The following CTSA variants were observed in gnomAD, a reference collection of about 807,000 sequenced individuals.
CTSA encodes cathepsin A.
Under a neutral mutation model 66.7 loss-of-function variants are expected in CTSA, and 42 were observed. The ratio of observed to expected loss-of-function variants is 0.63; its 90% CI spans 0.49 to 0.81. The LOEUF (loss-of-function observed/expected upper bound fraction) is 0.81, where lower values mean the gene tolerates loss of function less well. Ranked by LOEUF, CTSA falls within the 40% of genes least tolerant of loss-of-function variation. CTSA has a pLI of 0.00. For synonymous variants in CTSA, 225 were observed against 248.6 expected, an observed-to-expected ratio of 0.91 and a Z score of 0.89; for missense variants, 525 against 610.9, an observed-to-expected ratio of 0.86 and a Z score of 1.48.
At chr20:45,895,258 C>A in intron 11 of CTSA, 125 bp downstream of exon 11, 1 of 1,108,206 alleles carries the variant, frequency 9.0e-7, no homozygotes, top group African/African-American at 1.5e-5. Context: ...GGATGTTTAA[C>A]ATCCATCCCT....
In CTSA at chr20:45,891,369, G is replaced by T; in HGVS notation, c.-11G>T. The T allele has an allele frequency of 6.4e-7, 1 of 1,574,370 alleles. No individual in the cohort carries two copies. Among genetic ancestry groups the T allele is most frequent in the East Asian group, 2.3e-5 (1 of 42,984 alleles). ...GCGCCTCCTGGAGAGCAAGGACGCG[G>T]GGGAGCAGAGGTGAGCTGGCACCGG... is the stretch of plus-strand genomic sequence containing the variant. On this transcript the variant is annotated 5_prime_UTR_variant, in exon 1 of 15. Coordinates refer to ENST00000646241, the MANE Select transcript of CTSA (RefSeq NM_000308.4). This position sits in a 1 kb window ranked among gnomAD's most constrained non-coding sequence, Gnocchi z 4.6.
intron 7 of CTSA, 109 bp downstream of exon 7, chr20:45,893,420 C>T (rs1206546822): frequency 1.2e-6 from 1 of 829,344 alleles, no homozygotes; most frequent in African/African-American, 1.7e-5. Context: ...TTATGAGCAG[C>T]AGGTGGGTTG....
At chr20:45,893,059 GC>G in intron 6 of CTSA, 160 bp from the exon 7 acceptor site, 1 of 934,934 alleles carries the variant, frequency 1.1e-6, no homozygotes, top group Non-Finnish European at 1.7e-6. Flanking sequence ...CTGTCAGGCT[GC>G]CAGCTCTGTG....
At position 45,891,865 on chromosome 20, in the gene CTSA, C is replaced by T; in HGVS notation, c.195-51C>T. On this transcript the variant is annotated intron_variant, in intron 2 of 14. Transcript: ENST00000646241. The surrounding 1 kb of genome is among the most constrained non-coding windows in gnomAD (Gnocchi z 4.6). Reference sequence around the variant, plus strand: ...TGAGGATGCCTGGGAGCCGGGAGGGCTGGAAAGGGCCCCTCCAACTGCGCC... The same window carrying T: ...TGAGGATGCCTGGGAGCCGGGAGGGTTGGAAAGGGCCCCTCCAACTGCGCC... 6.2e-7 allele frequency: 1 copy of T among 1,606,098 alleles called. No individual in the cohort carries two copies. The highest frequency in any genetic ancestry group is 8.5e-7 in the Non-Finnish European group (1 of 1,172,832).
At position 45,894,832 on chromosome 20, in the gene CTSA, G is replaced by A; in HGVS notation, c.879G>A (p.Lys293=). 1 of 1,614,126 alleles carries A rather than the reference G, an allele frequency of 6.2e-7. No individual in the cohort carries two copies. The highest frequency in any genetic ancestry group is 1.1e-5 in the South Asian group (1 of 91,080). ...CCACCTCACATTGCAGGTATGAGAA[G>A]GACACTGTTGTGGTCCAGGATTTGG... ...GGVPSHFRYE[K]DTVVVQDLGN... Residue 293 remains lysine (K), a synonymous_variant, in exon 10 of 15, where the codon AAG becomes AAA. Transcript: ENST00000646241.
intron 12 of CTSA, 195 bp from the exon 13 acceptor site, chr20:45,897,522 T>A (rs2083123470): frequency 1.7e-6 from 1 of 581,210 alleles, no homozygotes; most frequent in Non-Finnish European, 3.1e-6. Flanking sequence ...GGGATAATAA[T>A]GATATCTACC....
intron 11 of CTSA, 128 bp from the exon 12 acceptor site, chr20:45,896,837 A>G: frequency 1.2e-6 from 1 of 809,226 alleles, no homozygotes; most frequent in South Asian, 1.3e-5. Context: ...CCCCCCCCAA[A>G]AAGGGGAGTG....
At chr20:45,896,840 G>T in intron 11 of CTSA, 125 bp from the exon 12 acceptor site, 1 of 815,846 alleles carries the variant, frequency 1.2e-6, no homozygotes, top group Non-Finnish European at 2.2e-6. Context: ...CCCCCAAAAA[G>T]GGGAGTGGAA....
In CTSA at chr20:45,894,101, C is replaced by T. The variant is rs780990557; in HGVS notation, c.777+29C>T. ...AGGTTCTGCCATCACTTTGCATGAG[C>T]TCTCCCATCCCTAATCCTGAGAACA... On this transcript the variant is annotated intron_variant, in intron 8 of 14. Coordinates refer to ENST00000646241, the MANE Select transcript of CTSA (RefSeq NM_000308.4). The T allele has an allele frequency of 1.5e-5, 22 of 1,433,774 alleles. No individual in the cohort carries two copies. The South Asian group carries it at 2.4e-4, about 16-fold the overall frequency. The allele number at this position is 1,433,774 out of a possible 1,614,324, so 88.8% of individuals were successfully genotyped here.
intron 11 of CTSA, chr20:45,896,505 T>C (rs1035958800): frequency 4.3e-6 from 1 of 234,298 alleles, no homozygotes; most frequent in Admixed American, 5.2e-5. Context: ...CGATCTTGGC[T>C]CACTGCAACC....
chr20:45,896,834 C>T (rs199636177), intron 11 of CTSA, 131 bp from the exon 12 acceptor site: 12 of 727,532 alleles, frequency 1.6e-5, no homozygotes, highest in Admixed American at 1.4e-4. Context: ...GGCCCCCCCC[C>T]AAAAAGGGGA....
chr20:45,895,395 A>G, intron 11 of CTSA: 1 of 478,078 alleles, frequency 2.1e-6, no homozygotes. Context: ...ATCATAGCTC[A>G]CTGCAGCCTC....
intron 13 of CTSA, 89 bp from the exon 14 acceptor site, chr20:45,897,916 T>C (rs2083128221): frequency 3.2e-6 from 5 of 1,539,444 alleles, no homozygotes; most frequent in Non-Finnish European, 4.5e-6. Context: ...AGAGGGCAAG[T>C]GTGGAGGAAT....
chr20:45,895,781 C>T (rs182765950), intron 11 of CTSA, among the ~76,000 whole-genome samples: 255 of 152,194 alleles, frequency 1.7e-3, no homozygotes, highest in African/African-American at 5.7e-3. Context: ...GACAGGGTCT[C>T]ACTATGTTGT....
chr20:45,898,035 A>T lies in CTSA; in HGVS notation c.1285A>T (p.Lys429Ter). ...MEVQRRPWLV[K>*]YGDSGEQIAG... The stretch of plus-strand genomic sequence containing the variant: ...GGTGCAGCGCCGGCCCTGGTTAGTG[A>T]AGTACGGGGACAGCGGGGAGCAGAT... Residue 429 changes from lysine to a stop codon, truncating the protein, a stop_gained, in exon 14 of 15, where the codon AAG (lysine) becomes TAG (stop). Coordinates refer to ENST00000646241, the MANE Select transcript of CTSA (RefSeq NM_000308.4). LOFTEE classifies it high-confidence loss of function. The surrounding 1 kb of genome is among the most constrained non-coding windows in gnomAD (Gnocchi z 4.6). The T allele has an allele frequency of 6.2e-7, 1 of 1,613,952 alleles. No homozygotes were observed. The highest frequency in any genetic ancestry group is 8.5e-7 in the Non-Finnish European group (1 of 1,179,994).
Position 45,892,788 on chromosome 20 carries a change from A to G in CTSA, c.508A>G (p.Asn170Asp). The G allele has an allele frequency of 6.2e-7, 1 of 1,614,208 alleles. No individual in the cohort carries two copies. Among genetic ancestry groups the G allele is most frequent in the Non-Finnish European group, 8.5e-7 (1 of 1,180,032 alleles). ...CCGCCTCTTTCCGGAGTACAAGAAC[A>G]ACAAACTTTTCCTGACCGGGGAGAG... is the stretch of plus-strand genomic sequence containing the variant. ...FFRLFPEYKNNKLFLTGESYA... is the reference protein window; with the variant it reads ...FFRLFPEYKNDKLFLTGESYA... Residue 170 changes from asparagine (N) to aspartate (D), a missense_variant, in exon 6 of 15, where the codon AAC becomes GAC. Coordinates refer to ENST00000646241, the MANE Select transcript of CTSA (RefSeq NM_000308.4).
At chr20:45,896,823 T>C (rs1220858705) in intron 11 of CTSA, 142 bp from the exon 12 acceptor site, 3 of 697,064 alleles carry the variant, frequency 4.3e-6, no homozygotes, top group Non-Finnish European at 7.6e-6. Flanking sequence ...CCTAGAGAGG[T>C]GGCCCCCCCC....
chr20:45,898,128 G>A lies in CTSA; in HGVS notation c.1359+19G>A, dbSNP rs367548341. The A allele has an allele frequency of 9.3e-6, 15 of 1,609,118 alleles. No homozygotes were observed. The African/African-American group carries it at 1.7e-4, about 19-fold the overall frequency. The stretch of plus-strand genomic sequence containing the variant: ...GATCAAGGTAGGGACTGGGCCTGCT[G>A]AGAGATAACTGGGCCGGAGGCAAAG... On this transcript the variant is annotated intron_variant, in intron 14 of 14. Coordinates refer to ENST00000646241, the MANE Select transcript of CTSA (RefSeq NM_000308.4). This position sits in a 1 kb window ranked among gnomAD's most constrained non-coding sequence, Gnocchi z 4.6.
At position 45,892,452 on chromosome 20, in the gene CTSA, G is replaced by A. The variant is rs747968515; in HGVS notation, c.412G>A (p.Asp138Asn). ...SPAGVGFSYS[D>N]DKFYATNDTE... ...AGCTGGGGTGGGCTTCTCCTACTCC[G>A]ATGACAAGTTTTATGCAACTAATGA... Residue 138 changes from aspartate (D) to asparagine (N), a missense_variant, in exon 5 of 15, where the codon GAT becomes AAT. Transcript: ENST00000646241. 2.5e-6 allele frequency: 4 copies of A among 1,614,012 alleles called. No individual in the cohort carries two copies. The highest frequency in any genetic ancestry group is 3.3e-5 in the Admixed American group (2 of 60,000).
Sources: allele counts gnomAD v4.1 joint callset (sites outside exome capture counted in the v4.1 genomes callset), GRCh38; gene constraint gnomAD v4.1.1; non-coding constraint Gnocchi (gnomAD v3.1); transcripts MANE v1.5; gene names NCBI Gene and HGNC (gene_info 2026-07-23, HGNC 2026-07-21).